Variants in CACNA2D3 observed in about 807,000 individuals in gnomAD.
CACNA2D3 encodes the protein voltage-dependent calcium channel subunit alpha-2/delta-3.
A neutral mutation model predicts 160.6 loss-of-function variants in CACNA2D3; 60 were observed. The observed-to-expected ratio is 0.37, with a 90% CI of 0.30 to 0.46. CACNA2D3 has a LOEUF of 0.46. Among genes scored for constraint, CACNA2D3 ranks in the 20% least tolerant of loss-of-function variants. The pLI is 1.00. For synonymous variants in CACNA2D3, 558 were observed against 492.9 expected (o/e 1.13, Z -1.75); for missense variants, 1,205 against 1,365.0 (o/e 0.88, Z 1.85).
intron 2 of CACNA2D3, among the ~76,000 whole-genome samples, chr3:54,159,980 T>C (rs915139413): frequency 3.3e-5 from 5 of 152,228 alleles, no homozygotes; most frequent in African/African-American, 1.2e-4. Flanking sequence ...TTTAATTAAC[T>C]GCCTGGCAAG....
intron 11 of CACNA2D3, among the ~76,000 whole-genome samples, chr3:54,706,334 G>A (rs142160075): frequency 6.6e-6 from 1 of 152,174 alleles, no homozygotes; most frequent in African/African-American, 2.4e-5. Context: ...TCCCAAAGTC[G>A]TGGCAGTTCT....
chr3:54,309,158 G>T (rs556063066), intron 2 of CACNA2D3, among the ~76,000 whole-genome samples: 64 of 152,316 alleles, frequency 4.2e-4, no homozygotes, highest in Middle Eastern at 6.8e-3. Context: ...CTCAGGAATT[G>T]GAGTTTTTAA....
intron 27 of CACNA2D3, among the ~76,000 whole-genome samples, chr3:54,920,843 A>G (rs541170369): frequency 2.0e-5 from 3 of 152,258 alleles, no homozygotes; most frequent in South Asian, 4.1e-4. Flanking sequence ...ATCACCCCAG[A>G]CTTAAGAACT....
intron 2 of CACNA2D3, among the ~76,000 whole-genome samples, chr3:54,217,845 A>C (rs1034494931): frequency 6.6e-6 from 1 of 150,610 alleles, no homozygotes; most frequent in African/African-American, 2.5e-5. Context: ...CCAGGAAATT[A>C]ATATAGGCCT....
chr3:55,049,956 T>G (rs75874069), intron 35 of CACNA2D3, among the ~76,000 whole-genome samples: 17,799 of 141,788 alleles, frequency 0.13, 1,312 homozygotes, highest in African/African-American at 0.14. Context: ...CATTGGCTTG[T>G]TAGATCTTCG....
At chr3:54,130,987 T>C (rs1699694230) in intron 2 of CACNA2D3, among the ~76,000 whole-genome samples, 1 of 152,220 alleles carries the variant, frequency 6.6e-6, no homozygotes, top group Admixed American at 6.5e-5. Context: ...GTACCTTCTA[T>C]CTTATAGGCT....
At chr3:54,289,910 A>C (rs1384526116) in intron 2 of CACNA2D3, among the ~76,000 whole-genome samples, 1 of 152,146 alleles carries the variant, frequency 6.6e-6, no homozygotes, top group African/African-American at 2.4e-5. Flanking sequence ...AATTAATTCA[A>C]GATGGATTAA....
intron 2 of CACNA2D3, among the ~76,000 whole-genome samples, chr3:54,221,182 G>T (rs1577007822): frequency 6.6e-6 from 1 of 152,188 alleles, no homozygotes; most frequent in African/African-American, 2.4e-5. Flanking sequence ...CAGGCATTTT[G>T]TTGAGTGCTG....
intron 34 of CACNA2D3, among the ~76,000 whole-genome samples, chr3:55,012,655 A>G (rs541992480): frequency 6.6e-6 from 1 of 152,182 alleles, no homozygotes; most frequent in Non-Finnish European, 1.5e-5. Flanking sequence ...TTTTGCTGTC[A>G]TAGCATGGGG....
chr3:54,225,957 T>C (rs891909108), intron 2 of CACNA2D3, among the ~76,000 whole-genome samples: 4 of 152,136 alleles, frequency 2.6e-5, no homozygotes, highest in African/African-American at 7.2e-5. Flanking sequence ...CTTCACCGGA[T>C]TGGGGACTGA....
At chr3:54,373,050 A>G (rs1355684739) in intron 3 of CACNA2D3, among the ~76,000 whole-genome samples, 1 of 152,138 alleles carries the variant, frequency 6.6e-6, no homozygotes, top group Non-Finnish European at 1.5e-5. Context: ...TCACTGCCCC[A>G]TGTTTCAAGT....
At chr3:54,943,298 A>G (rs1341156178) in intron 27 of CACNA2D3, among the ~76,000 whole-genome samples, 5 of 152,032 alleles carry the variant, frequency 3.3e-5, no homozygotes, top group Non-Finnish European at 7.4e-5. Flanking sequence ...CTCACTTCCT[A>G]GAGGCCACCA....
In CACNA2D3 at chr3:54,728,565, T is replaced by C. The variant is rs545692085; in HGVS notation, c.1168-24034T>C. On this transcript the variant is annotated intron_variant, in intron 11 of 37. Transcript: ENST00000474759. ...TTTTTTATCTCTTGACTTTTAGTTA[T>C]CTGGCTCTGTTTCTTGGCATGCCCA... is the stretch of plus-strand genomic sequence containing the variant. Among the ~76,000 whole-genome samples the C allele has an allele frequency of 5.0e-4, 76 of 152,216 alleles. 2 individuals are homozygous for C. Among genetic ancestry groups the C allele is most frequent in the Non-Finnish European group, 6.6e-4 (45 of 68,040 alleles).
At chr3:54,791,790 AACCAGATC>A in intron 13 of CACNA2D3, among the ~76,000 whole-genome samples, 1 of 152,318 alleles carries the variant, frequency 6.6e-6, no homozygotes, top group East Asian at 1.9e-4. Context: ...ACTTTTCAAA[AACCAGATC>A]ACCATTTTAG....
chr3:54,795,795 A>C (rs530092078), intron 13 of CACNA2D3, among the ~76,000 whole-genome samples: 131 of 152,332 alleles, frequency 8.6e-4, no homozygotes, highest in African/African-American at 3.0e-3. Flanking sequence ...CTCCCATTGA[A>C]TTGTAAACAC....
chr3:54,499,630 A>G (rs1490207425), intron 4 of CACNA2D3, among the ~76,000 whole-genome samples: 1 of 152,074 alleles, frequency 6.6e-6, no homozygotes, highest in Non-Finnish European at 1.5e-5. Flanking sequence ...TTTTAAAAAA[A>G]TTATCTTGAG....
chr3:54,330,636 G>A (rs1425123572), intron 3 of CACNA2D3, among the ~76,000 whole-genome samples: 3 of 152,188 alleles, frequency 2.0e-5, no homozygotes, highest in African/African-American at 7.2e-5. Context: ...ATGAATACAT[G>A]GGTACCAGCT....
At chr3:54,862,360 CA>C (rs1344131429) in intron 17 of CACNA2D3, among the ~76,000 whole-genome samples, 2 of 147,270 alleles carry the variant, frequency 1.4e-5, no homozygotes, top group Non-Finnish European at 3.0e-5. Flanking sequence ...TTAAACCAAG[CA>C]TCTCCCTAAA....
chr3:55,028,062 T>G (rs2107172605), intron 35 of CACNA2D3, among the ~76,000 whole-genome samples: 1 of 152,324 alleles, frequency 6.6e-6, no homozygotes, highest in East Asian at 1.9e-4. Context: ...TTTTCAGTCT[T>G]CAGAAGTCTT....
Sources: gnomAD v4.1 joint callset for allele counts (sites outside exome capture counted in the v4.1 genomes callset) on GRCh38, gnomAD v4.1.1 for gene constraint, MANE v1.5 for transcripts, NCBI Gene and HGNC (gene_info 2026-07-23, HGNC 2026-07-21) for gene names.